The following CILK1 variants were observed in gnomAD, a reference collection of about 807,000 sequenced individuals.
CILK1 encodes serine/threonine-protein kinase ICK.
In CILK1, 47 loss-of-function variants were observed where a neutral mutation model predicts 79.2. The observed-to-expected ratio is 0.59, with a 90% CI of 0.47 to 0.76. The LOEUF (loss-of-function observed/expected upper bound fraction) is 0.76, where lower values mean the gene tolerates loss of function less well. Among genes scored for constraint, CILK1 ranks in the 30% least tolerant of loss-of-function variants. CILK1 has a pLI of 0.00. For synonymous variants in CILK1, 266 were observed against 275.9 expected, an observed-to-expected ratio of 0.96 and a Z score of 0.36; for missense variants, 660 against 769.5, an observed-to-expected ratio of 0.86 and a Z score of 1.68.
chr6:53,018,495 C>A lies in CILK1; in HGVS notation c.498G>T (p.Arg166Ser). 6.2e-7 allele frequency: 1 copy of A among 1,614,062 alleles called. No homozygotes were observed. Among genetic ancestry groups the A allele is most frequent in the Non-Finnish European group, 8.5e-7 (1 of 1,180,006 alleles). The change falls in exon 7 of 14, where the codon AGG (arginine) becomes AGT (serine). Residue 166 changes from arginine to serine, a missense_variant. Physicochemically the swap from Arg to Ser is moderately radical, Grantham distance 110. Coordinates refer to ENST00000676107, the MANE Select transcript of CILK1 (RefSeq NM_014920.5). ...YTDYVSTRWY[R>S]APEVLLRSTN... ...TAGACCTCAGGAGTACTTCTGGAGC[C>A]CTGTACCTGGAGGAACAAAGGTTAA...
chr6:53,057,463 C>A (rs927474666), intron 1 of CILK1, among the ~76,000 whole-genome samples: 2 of 152,140 alleles, frequency 1.3e-5, no homozygotes, highest in African/African-American at 4.8e-5. Context: ...GGATGACAAT[C>A]ATCTGCTAGG....
intron 5 of CILK1, among the ~76,000 whole-genome samples, chr6:53,030,214 C>G (rs969478937): frequency 6.6e-6 from 1 of 152,228 alleles, no homozygotes; most frequent in Non-Finnish European, 1.5e-5. Context: ...ACAACTCAGA[C>G]TGGCCCCCGT....
At chr6:53,036,020 A>T (rs1766307528) in intron 3 of CILK1, among the ~76,000 whole-genome samples, 1 of 152,122 alleles carries the variant, frequency 6.6e-6, no homozygotes, top group South Asian at 2.1e-4. Flanking sequence ...CAGGCAAGGA[A>T]AGAGTGGGAG....
intron 3 of CILK1, 52 bp from the exon 4 acceptor site, chr6:53,032,706 T>C (rs2127440411): frequency 6.7e-7 from 1 of 1,487,684 alleles, no homozygotes; most frequent in Admixed American, 1.8e-5. Context: ...AGAAAATCTG[T>C]TGTTGAAAAA....
Position 53,013,663 on chromosome 6 carries a change from G to A in CILK1, c.1151C>T (p.Ser384Leu), listed in dbSNP as rs149734466. The A allele has an allele frequency of 6.6e-5, 106 of 1,614,016 alleles. No individual in the cohort carries two copies. The highest frequency in any genetic ancestry group is 4.9e-4 in the Middle Eastern group (3 of 6,062). Reference protein sequence around the residue: ...FPSLHNKHPQSKITAGLEHKN... With the variant: ...FPSLHNKHPQLKITAGLEHKN... ...CACTGGTGAATCTGGGCTGCTCACC[G>A]ACTGTGGATGCTTGTTGTGGAGGGA... The change falls in exon 9 of 14, where the codon TCG becomes TTG. Residue 384 changes from serine to leucine, a missense_variant and splice_region_variant. By Grantham distance (145) the Ser-to-Leu change is moderately radical (BLOSUM62 -2). Coordinates refer to ENST00000676107, the MANE Select transcript of CILK1 (RefSeq NM_014920.5).
chr6:53,034,326 G>A (rs1158589314), intron 3 of CILK1, among the ~76,000 whole-genome samples: 1 of 152,190 alleles, frequency 6.6e-6, no homozygotes, highest in Non-Finnish European at 1.5e-5. Context: ...TTCTAGGTGA[G>A]TCTCATGAAC....
At chr6:53,045,484 G>A (rs1440303051) in intron 1 of CILK1, among the ~76,000 whole-genome samples, 2 of 152,164 alleles carry the variant, frequency 1.3e-5, no homozygotes, top group East Asian at 1.9e-4. Flanking sequence ...TTTCAGTGCA[G>A]TATTCATTAT....
In CILK1 at chr6:53,013,930, T is replaced by C. The variant is rs147688037; in HGVS notation, c.884A>G (p.Gln295Arg). The C allele has an allele frequency of 3.5e-4, 571 of 1,614,126 alleles. No homozygotes were observed. The highest frequency in any genetic ancestry group is 4.5e-4 in the Non-Finnish European group (532 of 1,180,016). The change falls in exon 9 of 14, where the codon CAA (glutamine) becomes CGA (arginine). Residue 295 changes from glutamine (Q) to arginine (R), a missense_variant. Coordinates refer to ENST00000676107, the MANE Select transcript of CILK1 (RefSeq NM_014920.5). ...TGGTTTTTCTGAATCCTGAAGGTTT[T>C]GTGTGGTGCTGCCTAGTGGGTGTCC... ...QVGHPLGSTT[Q>R]NLQDSEKPQK...
chr6:53,018,288 G>A (rs1402041341), intron 7 of CILK1, 42 bp downstream of exon 7: 5 of 1,585,854 alleles, frequency 3.2e-6, no homozygotes, highest in Non-Finnish European at 4.3e-6. Flanking sequence ...AGCATGGGAA[G>A]CTGTTGGCTT....
At chr6:53,026,057 CCTTAGTTTT>C (rs1378316010) in intron 5 of CILK1, among the ~76,000 whole-genome samples, 1 of 152,138 alleles carries the variant, frequency 6.6e-6, no homozygotes, top group Non-Finnish European at 1.5e-5. Flanking sequence ...CCTTCCTGTG[CCTTAGTTTT>C]CTTATCTGTA....
intron 3 of CILK1, among the ~76,000 whole-genome samples, chr6:53,035,659 A>G (rs983579998): frequency 1.3e-5 from 2 of 152,174 alleles, no homozygotes; most frequent in Non-Finnish European, 2.9e-5. Context: ...ATGAGGAGAA[A>G]GGAAGAAGGA....
chr6:53,035,962 G>T (rs2127445107), intron 3 of CILK1, among the ~76,000 whole-genome samples: 1 of 152,044 alleles, frequency 6.6e-6, no homozygotes. Flanking sequence ...AAGCGCGTGG[G>T]TGTGGGGGTG....
At chr6:53,034,020 T>C (rs749185900) in intron 3 of CILK1, among the ~76,000 whole-genome samples, 25 of 152,368 alleles carry the variant, frequency 1.6e-4, no homozygotes, top group Non-Finnish European at 3.1e-4. Context: ...GTTGGATTCC[T>C]GGTTCTCCAT....
chr6:53,021,713 T>A (rs1419397906), intron 5 of CILK1, among the ~76,000 whole-genome samples: 1 of 151,872 alleles, frequency 6.6e-6, no homozygotes, highest in East Asian at 1.9e-4. Context: ...GGTCTTATTA[T>A]AATGAAGCTG....
intron 1 of CILK1, among the ~76,000 whole-genome samples, chr6:53,054,125 C>A (rs1158305205): frequency 3.3e-5 from 5 of 152,212 alleles, no homozygotes. Flanking sequence ...TGCCCCAGTG[C>A]CTCAGCCAGG....
intron 1 of CILK1, among the ~76,000 whole-genome samples, chr6:53,044,631 G>A (rs1293139420): frequency 6.6e-6 from 1 of 152,150 alleles, no homozygotes; most frequent in Non-Finnish European, 1.5e-5. Flanking sequence ...TAAAGAGTAT[G>A]CTATGGACTG....
chr6:53,018,122 G>T (rs191274520), intron 7 of CILK1, among the ~76,000 whole-genome samples: 119 of 152,272 alleles, frequency 7.8e-4, no homozygotes, highest in African/African-American at 2.7e-3. Context: ...AAGGCAGAAG[G>T]AGCCATGACA....
chr6:53,053,541 G>A (rs1018022698), intron 1 of CILK1, among the ~76,000 whole-genome samples: 1 of 152,142 alleles, frequency 6.6e-6, no homozygotes, highest in Admixed American at 6.6e-5. Flanking sequence ...AGGAAACTGA[G>A]ACACAAGTTA....
intron 7 of CILK1, among the ~76,000 whole-genome samples, chr6:53,017,462 G>C (rs1764959161): frequency 6.6e-6 from 1 of 152,216 alleles, no homozygotes; most frequent in Non-Finnish European, 1.5e-5. Context: ...CAGAAGCAGG[G>C]AAATTTCAGG....
Sources: gnomAD v4.1 joint callset for allele counts (sites outside exome capture counted in the v4.1 genomes callset) on GRCh38, gnomAD v4.1.1 for gene constraint, MANE v1.5 for transcripts, NCBI Gene and HGNC (gene_info 2026-07-23, HGNC 2026-07-21) for gene names.